The following ACOT8 variants were observed in gnomAD, a reference collection of about 807,000 sequenced individuals.
The protein encoded by ACOT8 is acyl-CoA thioesterase 8.
A neutral mutation model predicts 38.4 loss-of-function variants in ACOT8; 31 were observed. That is an observed-to-expected ratio of 0.81 (90% CI 0.61 to 1.09). ACOT8 has a LOEUF of 1.09. Among genes scored for constraint, ACOT8 ranks in the 50% least tolerant of loss-of-function variants. The pLI is 0.00. For synonymous variants in ACOT8, 158 were observed against 170.3 expected, an observed-to-expected ratio of 0.93 and a Z score of 0.56; for missense variants, 373 against 421.8, an observed-to-expected ratio of 0.88 and a Z score of 1.01.
chr20:45,855,189 G>A lies in ACOT8; in HGVS notation c.232C>T (p.His78Tyr), dbSNP rs1436324178. The part of the protein sequence containing the change: ...AKSVSEDVHV[H>Y]SLHCYFVRAG... Reference sequence around the variant, plus strand: ...CGAACAAAGTAGCAGTGCAGGGAGTGCACGTGGACGTCTTCACTCACAGAC... The same window carrying A: ...CGAACAAAGTAGCAGTGCAGGGAGTACACGTGGACGTCTTCACTCACAGAC... Residue 78 changes from histidine (H) to tyrosine (Y), a missense_variant, in exon 2 of 6, where the codon CAC becomes TAC. Coordinates refer to ENST00000217455, the MANE Select transcript of ACOT8 (RefSeq NM_005469.4). 3.1e-6 allele frequency: 5 copies of A among 1,614,152 alleles called. No homozygotes were observed. Among genetic ancestry groups the A allele is most frequent in the Admixed American group, 1.7e-5 (1 of 60,012 alleles).
intron 3 of ACOT8, among the ~76,000 whole-genome samples, chr20:45,846,078 G>A (rs1037171875): frequency 1.3e-5 from 2 of 152,132 alleles, no homozygotes; most frequent in South Asian, 2.1e-4. Flanking sequence ...GACCTTGGGT[G>A]AGCCACCCGC....
intron 2 of ACOT8, 67 bp from the exon 3 acceptor site, chr20:45,848,742 T>C: frequency 3.0e-6 from 4 of 1,330,000 alleles, no homozygotes; most frequent in Non-Finnish European, 4.1e-6. Flanking sequence ...TGACAGGCAC[T>C]CTACTACTCA....
At position 45,843,741 on chromosome 20, in the gene ACOT8, G is replaced by GC. The variant is rs536167577; in HGVS notation, c.647-21dup. The GC allele has an allele frequency of 6.2e-7, 1 of 1,603,386 alleles. No individual in the cohort carries two copies. Among genetic ancestry groups the GC allele is most frequent in the Non-Finnish European group, 8.5e-7 (1 of 1,171,910 alleles). Reference sequence around the variant, plus strand: ...CCTCGCCTGCAACAGGTCCCCATCAGCCCTGGGCTCCTGGGCTTTCCAGCT... The same window carrying GC: ...CCTCGCCTGCAACAGGTCCCCATCAGCCCCTGGGCTCCTGGGCTTTCCAGCT... On this transcript the variant is annotated intron_variant, in intron 4 of 5. Transcript: ENST00000217455.
chr20:45,852,426 G>A (rs151270637), intron 2 of ACOT8, among the ~76,000 whole-genome samples: 2,231 of 151,772 alleles, frequency 0.015, 60 homozygotes, highest in African/African-American at 0.051. Flanking sequence ...CGATCTGCCC[G>A]CCTCGGCCTC....
chr20:45,843,911 G>A, intron 4 of ACOT8, 190 bp from the exon 5 acceptor site: 1 of 1,217,650 alleles, frequency 8.2e-7, no homozygotes, highest in South Asian at 1.6e-5. Context: ...GGGGTGAGCA[G>A]GGACTGAAAT....
rs1480488075 is a variant in ACOT8 at position 45,855,167 on chromosome 20, A to G, written c.254T>C (p.Val85Ala). 2 of 1,613,940 alleles carry G rather than the reference A, an allele frequency of 1.2e-6. No individual in the cohort carries two copies. The highest frequency in any genetic ancestry group is 1.7e-6 in the Non-Finnish European group (2 of 1,179,930). ...GGAAGTGGGGGGTTTACCTGCCCGA[A>G]CAAAGTAGCAGTGCAGGGAGTGCAC... ...VHVHSLHCYF[V>A]RAGDPKLPVL... Residue 85 changes from valine (V) to alanine (A), a missense_variant, in exon 2 of 6, where the codon GTT becomes GCT. Val to Ala is a moderately conservative substitution (Grantham distance 64). Coordinates refer to ENST00000217455, the MANE Select transcript of ACOT8 (RefSeq NM_005469.4).
At chr20:45,851,353 C>T (rs1985045203) in intron 2 of ACOT8, among the ~76,000 whole-genome samples, 1 of 152,120 alleles carries the variant, frequency 6.6e-6, no homozygotes, top group Non-Finnish European at 1.5e-5. Context: ...CTCCCTACCA[C>T]CAAACTTGGG....
chr20:45,853,061 G>A (rs547258585), intron 2 of ACOT8, among the ~76,000 whole-genome samples: 8 of 152,292 alleles, frequency 5.3e-5, no homozygotes, highest in African/African-American at 1.7e-4. Flanking sequence ...GAGCCACCAC[G>A]CCCGGCCAAA....
intron 5 of ACOT8, chr20:45,842,647 A>G (rs1037826222): frequency 3.0e-6 from 3 of 991,500 alleles, no homozygotes; most frequent in Admixed American, 5.7e-5. Flanking sequence ...CCTTACACAT[A>G]GCAGAGCTCA....
chr20:45,855,422 C>T, intron 1 of ACOT8, 130 bp from the exon 2 acceptor site: 2 of 1,281,402 alleles, frequency 1.6e-6, no homozygotes, highest in East Asian at 2.4e-5. Context: ...ATGGTAAAAG[C>T]CATAGGTCCT....
chr20:45,842,437 T>C, intron 5 of ACOT8: 12 of 1,101,946 alleles, frequency 1.1e-5, no homozygotes, highest in Non-Finnish European at 1.3e-5. Context: ...ATCGGCTCCC[T>C]GTATAATAAA....
intron 5 of ACOT8, chr20:45,842,728 G>A: frequency 3.0e-6 from 3 of 989,452 alleles, no homozygotes; most frequent in Non-Finnish European, 3.6e-6. Context: ...CTGAAATCCA[G>A]AGAGGGTCAG....
rs574809856 is a variant in ACOT8 at position 45,843,578 on chromosome 20, G to C, written c.790C>G (p.Pro264Ala). 1 of 1,612,734 alleles carries C rather than the reference G, an allele frequency of 6.2e-7. No homozygotes were observed. The highest frequency in any genetic ancestry group is 1.7e-5 in the Admixed American group (1 of 59,984). The change falls in exon 5 of 6, where the codon CCC becomes GCC. Residue 264 changes from proline (P) to alanine (A), a missense_variant. Coordinates refer to ENST00000217455, the MANE Select transcript of ACOT8 (RefSeq NM_005469.4). ...AGCATCCAGTGGTCAGCTCGGAAGG[G>C]GGCGTGGAACCACATGGAATGGTCC... ...SLDHSMWFHA[P>A]FRADHWMLYE...
At chr20:45,854,393 G>T (rs1276431224) in intron 2 of ACOT8, among the ~76,000 whole-genome samples, 3 of 152,124 alleles carry the variant, frequency 2.0e-5, no homozygotes, top group Admixed American at 6.6e-5. Context: ...TATATTTTTA[G>T]TAGAGACGGG....
intron 5 of ACOT8, chr20:45,842,696 T>C (rs140357802): frequency 8.9e-5 from 88 of 989,592 alleles, no homozygotes; most frequent in Middle Eastern, 1.0e-3. Flanking sequence ...AGTTATGTGT[T>C]GTCCAGTTTT....
rs752006986 is a variant in ACOT8 at position 45,841,999 on chromosome 20, G to GC, written c.842-44dup. On this transcript the variant is annotated intron_variant, in intron 5 of 5. Transcript: ENST00000217455. Reference sequence around the variant, plus strand: ...GGTGATGATGGCCTGCTTCAGAACAGCCAAATACACTTTTTTTTTTTTTCC... The same window carrying GC: ...GGTGATGATGGCCTGCTTCAGAACAGCCCAAATACACTTTTTTTTTTTTTCC... 41 of 1,604,594 alleles carry GC rather than the reference G, an allele frequency of 2.6e-5. No individual in the cohort carries two copies. In the South Asian group the frequency reaches 4.2e-4, roughly 17 times the overall value.
chr20:45,854,025 T>TG, intron 2 of ACOT8: 1 of 1,248,424 alleles, frequency 8.0e-7, no homozygotes, highest in Non-Finnish European at 1.1e-6. Context: ...TGAGGGTTTT[T>TG]TTTGTTTGTT....
intron 4 of ACOT8, chr20:45,843,987 A>C (rs1405909947): frequency 6.3e-6 from 5 of 799,166 alleles, no homozygotes; most frequent in Non-Finnish European, 9.8e-6. Flanking sequence ...CAATTTGCAC[A>C]AAGATACTTT....
chr20:45,850,660 G>A (rs150738823), intron 2 of ACOT8, among the ~76,000 whole-genome samples: 203 of 152,270 alleles, frequency 1.3e-3, no homozygotes, highest in African/African-American at 4.7e-3. Flanking sequence ...CAGAGTGGAA[G>A]AGCCTAGGCA....
Sources: gnomAD v4.1 joint callset for allele counts (sites outside exome capture counted in the v4.1 genomes callset) on GRCh38, gnomAD v4.1.1 for gene constraint, MANE v1.5 for transcripts, NCBI Gene and HGNC (gene_info 2026-07-23, HGNC 2026-07-21) for gene names.